TMEM156: variants seen among roughly 807,000 people sequenced by gnomAD.
TMEM156 encodes transmembrane protein 156.
In TMEM156, 28 loss-of-function variants were observed where a neutral mutation model predicts 30.5. That is an observed-to-expected ratio of 0.92 (90% CI 0.68 to 1.26). The LOEUF (loss-of-function observed/expected upper bound fraction) is 1.26, where lower values mean the gene tolerates loss of function less well. Among genes scored for constraint, TMEM156 ranks in the 50% most tolerant of loss-of-function variants. The pLI, the probability that TMEM156 is intolerant of heterozygous loss-of-function variation, is 0.00. For missense variants in TMEM156, 351 were observed against 340.6 expected (o/e 1.03, Z -0.24); for synonymous variants, 137 against 119.9 (o/e 1.14, Z -0.93).
intron 1 of TMEM156, among the ~76,000 whole-genome samples, chr4:39,018,999 C>T (rs1020523384): frequency 5.6e-5 from 8 of 141,826 alleles, no homozygotes; most frequent in African/African-American, 8.3e-5. Flanking sequence ...CCAGCCTGGG[C>T]GACAGAGCGA....
At chr4:39,029,953 C>A (rs1242724833) in intron 1 of TMEM156, among the ~76,000 whole-genome samples, 3 of 151,910 alleles carry the variant, frequency 2.0e-5, no homozygotes, top group Admixed American at 2.0e-4. Flanking sequence ...TTTATGGCAG[C>A]TCTGTGCAAA....
Position 38,971,020 on chromosome 4 carries a change from A to G in TMEM156, c.*38+12T>C. ...ATAATGAAGAAGTCGATAAAGCCGA[A>G]TCATCACTCACCGTGTATATTGATC... On this transcript the variant is annotated intron_variant, in intron 6 of 6. Coordinates refer to ENST00000381938, the MANE Select transcript of TMEM156 (RefSeq NM_024943.3). 6.6e-7 allele frequency: 1 copy of G among 1,525,370 alleles called. No individual in the cohort carries two copies. Among genetic ancestry groups the G allele is most frequent in the Non-Finnish European group, 9.1e-7 (1 of 1,103,220 alleles). The allele number at this position is 1,525,370 out of a possible 1,614,324, so 94.5% of individuals were successfully genotyped here.
At chr4:39,023,149 A>G (rs1319912521) in intron 1 of TMEM156, among the ~76,000 whole-genome samples, 2 of 152,192 alleles carry the variant, frequency 1.3e-5, no homozygotes, top group East Asian at 3.8e-4. Flanking sequence ...CTGTAAGAAT[A>G]CAAAGAAAAG....
intron 5 of TMEM156, 135 bp from the exon 6 acceptor site, chr4:38,971,272 C>T (rs1722585097): frequency 9.9e-6 from 7 of 706,722 alleles, no homozygotes; most frequent in Admixed American, 5.7e-5. Flanking sequence ...TCTACCCTCA[C>T]TAATTTTCCT....
At chr4:38,976,807 C>G (rs6819796) in intron 5 of TMEM156, among the ~76,000 whole-genome samples, 47,298 of 152,166 alleles carry the variant, frequency 0.31, 7,682 homozygotes, top group Middle Eastern at 0.39. Context: ...TTGATTCTGA[C>G]GCACATTAAA....
chr4:38,993,728 A>T lies in TMEM156; in HGVS notation c.619+10T>A. Reference sequence around the variant, plus strand: ...AACTCCTTTTCCCTTTAGTTTCCTTAAAAACTTACTTTTTATATCCATCTC... The same window carrying T: ...AACTCCTTTTCCCTTTAGTTTCCTTTAAAACTTACTTTTTATATCCATCTC... On this transcript the variant is annotated intron_variant, in intron 3 of 6. Transcript: ENST00000381938. The T allele has an allele frequency of 6.2e-7, 1 of 1,607,966 alleles. No homozygotes were observed. Among genetic ancestry groups the T allele is most frequent in the Non-Finnish European group, 8.5e-7 (1 of 1,175,154 alleles).
chr4:39,015,865 T>G (rs1454970100), intron 1 of TMEM156, among the ~76,000 whole-genome samples: 2 of 152,160 alleles, frequency 1.3e-5, no homozygotes, highest in East Asian at 1.9e-4. Flanking sequence ...AACCCCCTTT[T>G]GCTTGGCACT....
chr4:39,012,829 C>T (rs1560380363), intron 1 of TMEM156, among the ~76,000 whole-genome samples: 2 of 152,050 alleles, frequency 1.3e-5, no homozygotes, highest in Non-Finnish European at 2.9e-5. Context: ...ATCCCAGCTA[C>T]TTGGGAGGCT....
chr4:39,010,660 A>G (rs1019525617), intron 1 of TMEM156, among the ~76,000 whole-genome samples: 1 of 152,192 alleles, frequency 6.6e-6, no homozygotes, highest in African/African-American at 2.4e-5. Context: ...AAAAGTAAAC[A>G]CTGGGGAAAG....
At chr4:39,025,846 G>A (rs1033777478) in intron 1 of TMEM156, among the ~76,000 whole-genome samples, 8 of 152,212 alleles carry the variant, frequency 5.3e-5, no homozygotes, top group Non-Finnish European at 7.3e-5. Context: ...CTAGGTTTGT[G>A]ATGAAATTTA....
In TMEM156 at chr4:38,966,799, GA is replaced by G. The variant is rs1199031726; in HGVS notation, c.*880del. 1.0e-4 allele frequency: 14 copies of G among 135,080 alleles called. No individual in the cohort carries two copies. Among genetic ancestry groups the G allele is most frequent in the Admixed American group, 3.0e-4 (4 of 13,526 alleles). 8.4% of individuals were successfully genotyped at this position (135,080 alleles called of 1,614,324 possible). The stretch of plus-strand genomic sequence containing the variant: ...TTAAATTCGTTTTATTGGTATCTTT[GA>G]TTTTTTTTTTTTTTTTTTTTTGAGA... On this transcript the variant is annotated 3_prime_UTR_variant, in exon 7 of 7. Coordinates refer to ENST00000381938, the MANE Select transcript of TMEM156 (RefSeq NM_024943.3).
At chr4:39,012,831 T>C (rs1714211046) in intron 1 of TMEM156, among the ~76,000 whole-genome samples, 1 of 151,672 alleles carries the variant, frequency 6.6e-6, no homozygotes, top group Admixed American at 6.6e-5. Context: ...CCCAGCTACT[T>C]GGGAGGCTGA....
rs1212154469 is a variant in TMEM156 at position 38,993,764 on chromosome 4, G to C, written c.593C>G (p.Ser198Cys). ...TTTTATATCCATCTCTAGGTGCAAA[G>C]AAATGTGTATACAATCATTCGGGTA... is the stretch of plus-strand genomic sequence containing the variant. ...MEYPNDCIHISLHLEMDIKNI... is the reference protein window; with the variant it reads ...MEYPNDCIHICLHLEMDIKNI... Residue 198 changes from serine to cysteine, a missense_variant, in exon 3 of 7, where the codon TCT becomes TGT. Ser to Cys is a moderately radical substitution (Grantham distance 112, BLOSUM62 -1). Transcript: ENST00000381938. The C allele has an allele frequency of 6.2e-7, 1 of 1,613,304 alleles. No individual in the cohort carries two copies. The highest frequency in any genetic ancestry group is 8.5e-7 in the Non-Finnish European group (1 of 1,179,340).
chr4:39,007,731 A>G (rs1317257504), intron 1 of TMEM156, among the ~76,000 whole-genome samples: 1 of 152,194 alleles, frequency 6.6e-6, no homozygotes, highest in Non-Finnish European at 1.5e-5. Context: ...TGCTGAGATT[A>G]CAGGCATGAG....
At chr4:39,013,325 G>GAA (rs1465058567) in intron 1 of TMEM156, among the ~76,000 whole-genome samples, 117 of 147,696 alleles carry the variant, frequency 7.9e-4, no homozygotes, top group African/African-American at 2.6e-3. Context: ...AAAAAAGAAA[G>GAA]AAAGAAAAAG....
intron 6 of TMEM156, among the ~76,000 whole-genome samples, chr4:38,970,586 T>C (rs1722553010): frequency 6.6e-6 from 1 of 152,226 alleles, no homozygotes; most frequent in Non-Finnish European, 1.5e-5. Context: ...TTCAACACTT[T>C]TGACCATACT....
At chr4:38,973,311 G>A (rs1722695369) in intron 5 of TMEM156, among the ~76,000 whole-genome samples, 1 of 152,020 alleles carries the variant, frequency 6.6e-6, no homozygotes, top group Non-Finnish European at 1.5e-5. Context: ...GGAAGAATTA[G>A]CATCTTTATA....
chr4:38,996,146 GAT>G (rs1198060208), intron 2 of TMEM156, among the ~76,000 whole-genome samples: 1 of 151,486 alleles, frequency 6.6e-6, no homozygotes, highest in Non-Finnish European at 1.5e-5. Flanking sequence ...CTCCAACAAA[GAT>G]ATATGGCCTA....
At chr4:39,008,829 C>A (rs996672251) in intron 1 of TMEM156, among the ~76,000 whole-genome samples, 1 of 152,008 alleles carries the variant, frequency 6.6e-6, no homozygotes, top group Admixed American at 6.6e-5. Flanking sequence ...AAATTAACAA[C>A]CTAAGCATAC....
Sources: allele counts gnomAD v4.1 joint callset (sites outside exome capture counted in the v4.1 genomes callset), GRCh38; gene constraint gnomAD v4.1.1; transcripts MANE v1.5; gene names NCBI Gene and HGNC (gene_info 2026-07-23, HGNC 2026-07-21).